The following CCNY variants were observed in gnomAD, a reference collection of about 807,000 sequenced individuals.
CCNY encodes the protein cyclin Y.
CCNY carries 19 observed loss-of-function variants against 42.8 expected under a neutral mutation model. The observed-to-expected ratio is 0.44, with a 90% CI of 0.31 to 0.65. The LOEUF (loss-of-function observed/expected upper bound fraction) is 0.65. Ranked by LOEUF, CCNY falls within the 30% of genes least tolerant of loss-of-function variation. CCNY has a pLI of 0.07. For synonymous variants in CCNY, 165 were observed against 162.7 expected, an observed-to-expected ratio of 1.01 and a Z score of -0.11; for missense variants, 370 against 437.3, an observed-to-expected ratio of 0.85 and a Z score of 1.37.
intron 1 of CCNY, among the ~76,000 whole-genome samples, chr10:35,405,314 A>G (rs757140896): frequency 6.6e-6 from 1 of 152,092 alleles, no homozygotes; most frequent in Non-Finnish European, 1.5e-5. Context: ...TAAAGGGTGC[A>G]TCATTTGTTG....
At chr10:35,349,152 T>C in intron 1 of CCNY, among the ~76,000 whole-genome samples, 1 of 152,170 alleles carries the variant, frequency 6.6e-6, no homozygotes, top group East Asian at 1.9e-4. Flanking sequence ...GCAGGGGTCC[T>C]GGAACCAATC....
intron 1 of CCNY, among the ~76,000 whole-genome samples, chr10:35,448,710 TG>T (rs1838846153): frequency 6.6e-6 from 1 of 150,710 alleles, no homozygotes; most frequent in African/African-American, 2.4e-5. Context: ...AGAGGGAGTG[TG>T]GGGGATGGAG....
intron 1 of CCNY, among the ~76,000 whole-genome samples, chr10:35,409,360 C>T: frequency 6.6e-6 from 1 of 152,202 alleles, no homozygotes; most frequent in South Asian, 2.1e-4. Flanking sequence ...GAGAGTCTCC[C>T]ACACTAAGTT....
intron 2 of CCNY, among the ~76,000 whole-genome samples, chr10:35,489,800 G>T (rs1350449053): frequency 1.3e-5 from 2 of 152,186 alleles, no homozygotes; most frequent in Non-Finnish European, 2.9e-5. Context: ...ATTTGCAAAA[G>T]AATTACTCAG....
At chr10:35,414,446 C>T (rs1027688834) in intron 1 of CCNY, among the ~76,000 whole-genome samples, 1 of 152,198 alleles carries the variant, frequency 6.6e-6, no homozygotes, top group Non-Finnish European at 1.5e-5. Flanking sequence ...CAAAGCCAGC[C>T]AGAGAGAGAC....
At chr10:35,470,389 G>T (rs535709716) in intron 1 of CCNY, among the ~76,000 whole-genome samples, 23 of 152,304 alleles carry the variant, frequency 1.5e-4, no homozygotes, top group South Asian at 1.2e-3. Flanking sequence ...GGATGTGTGT[G>T]CACAGAGAGC....
chr10:35,255,819 T>A (rs1228138144), intron 3 of CCNY, among the ~76,000 whole-genome samples: 2 of 152,100 alleles, frequency 1.3e-5, no homozygotes, highest in Non-Finnish European at 2.9e-5. Flanking sequence ...GGTCTCGAAC[T>A]CCTGGGCTCA....
At chr10:35,398,345 T>C (rs1204837812) in intron 1 of CCNY, among the ~76,000 whole-genome samples, 3 of 152,218 alleles carry the variant, frequency 2.0e-5, no homozygotes, top group African/African-American at 4.8e-5. Flanking sequence ...GGACATGATA[T>C]AGATACAGGT....
At chr10:35,366,021 G>A (rs1424840249) in intron 1 of CCNY, among the ~76,000 whole-genome samples, 1 of 152,212 alleles carries the variant, frequency 6.6e-6, no homozygotes, top group Non-Finnish European at 1.5e-5. Flanking sequence ...AGTTGTTGCT[G>A]TATCTCATGA....
At chr10:35,341,803 G>A (rs528631981) in intron 1 of CCNY, among the ~76,000 whole-genome samples, 1 of 152,242 alleles carries the variant, frequency 6.6e-6, no homozygotes, top group South Asian at 2.1e-4. Context: ...AGGTTTTAAA[G>A]CTTAAAAAGA....
At chr10:35,488,956 T>C (rs936873465) in intron 2 of CCNY, among the ~76,000 whole-genome samples, 4 of 152,250 alleles carry the variant, frequency 2.6e-5, no homozygotes, top group African/African-American at 9.6e-5. Context: ...TGAAAAGTCA[T>C]TTATCACACT....
intron 4 of CCNY, among the ~76,000 whole-genome samples, chr10:35,519,761 TTTTTC>T (rs1444610017): frequency 2.7e-5 from 4 of 148,758 alleles, no homozygotes; most frequent in African/African-American, 7.5e-5. Flanking sequence ...AAGTATCTTC[TTTTTC>T]TTTTCTTTTC....
Position 35,269,415 on chromosome 10 carries a change from C to A in CCNY, c.-9+18789C>A, listed in dbSNP as rs1482604618. Reference sequence around the variant, plus strand: ...CACTGCAACCTCCACCTCCTGGGTTCAAGCGATTCTCCTGCCTCACCCTTC... The same window carrying A: ...CACTGCAACCTCCACCTCCTGGGTTAAAGCGATTCTCCTGCCTCACCCTTC... On this transcript the variant is annotated intron_variant, in intron 3 of 11. Transcript: ENST00000374706. Among the ~76,000 whole-genome samples the A allele has an allele frequency of 8.6e-5, 13 of 151,268 alleles. No homozygotes were observed. The Admixed American group carries it at 8.6e-4, about 10-fold the overall frequency.
chr10:35,464,203 G>T (rs993879466), intron 1 of CCNY, among the ~76,000 whole-genome samples: 22 of 152,170 alleles, frequency 1.4e-4, no homozygotes, highest in African/African-American at 4.3e-4. Context: ...TTAGCCCAGT[G>T]CATGGCCCCA....
chr10:35,569,157 C>G lies in CCNY; in HGVS notation c.1013C>G (p.Ala338Gly). The G allele has an allele frequency of 6.2e-7, 1 of 1,607,280 alleles. No individual in the cohort carries two copies. The highest frequency in any genetic ancestry group is 8.5e-7 in the Non-Finnish European group (1 of 1,175,584). The change falls in exon 10 of 10, where the codon GCC (alanine) becomes GGC (glycine). Residue 338 changes from alanine to glycine, a missense_variant. Ala to Gly is a moderately conservative substitution (Grantham distance 60, BLOSUM62 0). Coordinates refer to ENST00000374704, the MANE Select transcript of CCNY (RefSeq NM_145012.6). ...DNLTLPRWSP[A>G]IIS ...CTGACTCTGCCCCGGTGGTCCCCAG[C>G]CATCATCTCTTAACTACGGAGGCCC...
Position 35,553,023 on chromosome 10 carries a change from A to C in CCNY, c.584A>C (p.Tyr195Ser). 6.2e-7 allele frequency: 1 copy of C among 1,613,806 alleles called. No homozygotes were observed. The highest frequency in any genetic ancestry group is 8.5e-7 in the Non-Finnish European group (1 of 1,179,716). The change falls in exon 8 of 10, where the codon TAC (tyrosine) becomes TCC (serine). Residue 195 changes from tyrosine to serine, a missense_variant. Physicochemically the swap from Tyr to Ser is moderately radical, Grantham distance 144. This residue lies in a region of CCNY where 234 missense variants were observed against 313.1 expected (regional missense o/e 0.75). Coordinates refer to ENST00000374704, the MANE Select transcript of CCNY (RefSeq NM_145012.6). ...TAECAIVTLV[Y>S]LERLLTYAEI... ...GGCATTGTCTTGTCTTCCCAGGTGT[A>C]CCTTGAAAGACTTTTAACATACGCA... is the stretch of plus-strand genomic sequence containing the variant.
intron 3 of CCNY, among the ~76,000 whole-genome samples, chr10:35,266,411 C>T (rs1206683102): frequency 6.6e-6 from 1 of 151,908 alleles, no homozygotes; most frequent in East Asian, 1.9e-4. Context: ...CAGATAACTT[C>T]TGAAGTGAGA....
At chr10:35,373,359 G>T (rs548818705) in intron 1 of CCNY, among the ~76,000 whole-genome samples, 1 of 152,304 alleles carries the variant, frequency 6.6e-6, no homozygotes, top group African/African-American at 2.4e-5. Flanking sequence ...TGTCAGCAAT[G>T]GATTCCTTGC....
At position 35,337,123 on chromosome 10, in the gene CCNY, G is replaced by C. The variant is rs781272291; in HGVS notation, c.70G>C (p.Glu24Gln). 2.5e-5 allele frequency: 39 copies of C among 1,591,164 alleles called. No individual in the cohort carries two copies. The highest frequency in any genetic ancestry group is 3.0e-5 in the Non-Finnish European group (35 of 1,170,896). ...CCGGAGGAATGCCCACTCCCGGCTG[G>C]AGTCCTACCGGCCAGACACGGACCT... ...KLRRNAHSRL[E>Q]SYRPDTDLSR... Residue 24 changes from glutamate (E) to glutamine (Q), a missense_variant, in exon 1 of 10, where the codon GAG (glutamate) becomes CAG (glutamine). This residue lies in a region of CCNY where 136 missense variants were observed against 124.2 expected (regional missense o/e 1.09). Transcript: ENST00000374704.
Sources: gnomAD v4.1 joint callset for allele counts (sites outside exome capture counted in the v4.1 genomes callset) on GRCh38, gnomAD v4.1.1 for gene constraint, gnomAD v4.1.1 regional missense constraint, MANE v1.5 for transcripts, NCBI Gene and HGNC (gene_info 2026-07-23, HGNC 2026-07-21) for gene names.